The following FBXO21 variants were observed in gnomAD, a reference collection of about 807,000 sequenced individuals.
FBXO21 encodes the protein F-box only protein 21.
FBXO21 carries 32 observed loss-of-function variants against 76.6 expected under a neutral mutation model. That is an observed-to-expected ratio of 0.42 (90% CI 0.32 to 0.56). FBXO21 has a LOEUF of 0.56. FBXO21 is among the 20% of genes least tolerant of loss of function. The probability of loss-of-function intolerance (pLI) is 0.16; values close to 1 mark genes in which losing one functional copy is unlikely to be tolerated. For synonymous variants in FBXO21, 328 were observed against 311.5 expected, an observed-to-expected ratio of 1.05 and a Z score of -0.56; for missense variants, 586 against 797.3, an observed-to-expected ratio of 0.73 and a Z score of 3.19.
At chr12:117,158,124 C>T (rs748644514) in intron 9 of FBXO21, 61 bp from the exon 10 acceptor site, 40 of 1,597,136 alleles carry the variant, frequency 2.5e-5, no homozygotes, top group Middle Eastern at 3.5e-4. Context: ...TTCTTTTTTG[C>T]GGCGAGGGAT....
chr12:117,150,208 G>A (rs1340367370), intron 11 of FBXO21, among the ~76,000 whole-genome samples: 1 of 152,206 alleles, frequency 6.6e-6, no homozygotes, highest in Non-Finnish European at 1.5e-5. Flanking sequence ...AAACTTAATT[G>A]AGTAAAACAT....
chr12:117,157,926 A>G lies in FBXO21; in HGVS notation c.1464T>C (p.Asp488=). 6.2e-7 allele frequency: 1 copy of G among 1,613,928 alleles called. No homozygotes were observed. The highest frequency in any genetic ancestry group is 1.1e-5 in the South Asian group (1 of 91,048). The change falls in exon 10 of 12, where the codon GAT becomes GAC. Residue 488 remains aspartate (D), a synonymous_variant. Transcript: ENST00000622495. ...AGTAGCAGACATCTCTGTGCTTCTC[A>G]TCGGAGCGCAGCTTCACCTCTACGC... ...EVGVEVKLRS[D]EKHRDVCYSI...
rs191181293 is a variant in FBXO21, at chr12:117,176,946, T to C, written c.592+574A>G. ...ATAATTTATGGGAATGTTTGTGTAA[T>C]ATTGTAGGAATTCAAAATCATTTTA... On this transcript the variant is annotated intron_variant, in intron 4 of 11. Coordinates refer to ENST00000622495, the MANE Select transcript of FBXO21 (RefSeq NM_015002.3). Among the ~76,000 whole-genome samples, 7 of 141,228 alleles carry C rather than the reference T, an allele frequency of 5.0e-5. No homozygotes were observed. In the East Asian group the frequency reaches 1.0e-3, roughly 21 times the overall value. The allele number at this position is 141,228 out of a possible 152,430, so 92.7% of individuals were successfully genotyped here.
chr12:117,156,054 C>T (rs1431583429), intron 10 of FBXO21, 106 bp from the exon 11 acceptor site: 7 of 1,009,128 alleles, frequency 6.9e-6, no homozygotes, highest in Non-Finnish European at 1.1e-5. Context: ...TGCTTTACTC[C>T]ACGGTGAATC....
chr12:117,158,022 C>G lies in FBXO21; in HGVS notation c.1368G>C (p.Gly456=). ...CCAGGTAGCCCACCGCCCCGTGCTG[C>G]CCCGGGTCTAGGGTTTGGATGTGCT... ...ILQHIQTLDP[G]QHGAVGYLVQ... is the part of the protein sequence containing the mutation. The change falls in exon 10 of 12, where the codon GGG becomes GGC. Residue 456 remains glycine (G), a synonymous_variant. Transcript: ENST00000622495. 1 of 1,614,244 alleles carries G rather than the reference C, an allele frequency of 6.2e-7. No homozygotes were observed. Among genetic ancestry groups the G allele is most frequent in the East Asian group, 2.2e-5 (1 of 44,892 alleles).
chr12:117,174,724 G>A lies in FBXO21; in HGVS notation c.666C>T (p.Asp222=). 1 of 1,614,208 alleles carries A rather than the reference G, an allele frequency of 6.2e-7. No homozygotes were observed. Among genetic ancestry groups the A allele is most frequent in the Non-Finnish European group, 8.5e-7 (1 of 1,180,024 alleles). ...TTTTGCAAACAAGCTCCACGATGCT[G>A]TCAATTTGGGCCTGGATGTCTTTGA... ...ISLKDIQAQI[D]SIVELVCKTL... Residue 222 remains aspartate, a synonymous_variant, in exon 5 of 12, where the codon GAC becomes GAT. Transcript: ENST00000622495.
intron 9 of FBXO21, among the ~76,000 whole-genome samples, chr12:117,160,744 C>G (rs2135858082): frequency 6.6e-6 from 1 of 152,170 alleles, no homozygotes; most frequent in East Asian, 1.9e-4. Context: ...ATCCTCCCAC[C>G]TCAGCCTCGC....
In FBXO21 at chr12:117,189,209, A is replaced by AC. The variant is rs1566011360; in HGVS notation, c.375+17dup. The AC allele has an allele frequency of 6.2e-7, 1 of 1,614,192 alleles. No homozygotes were observed. Among genetic ancestry groups the AC allele is most frequent in the South Asian group, 1.1e-5 (1 of 91,086 alleles). On this transcript the variant is annotated intron_variant, in intron 2 of 11. Coordinates refer to ENST00000622495, the MANE Select transcript of FBXO21 (RefSeq NM_015002.3). The stretch of plus-strand genomic sequence containing the variant: ...CACCAGCAAGCCAAAGCTTAGAGCC[A>AC]CATCAACAGATCCTTACGTGCTCTG...
intron 3 of FBXO21, among the ~76,000 whole-genome samples, chr12:117,183,537 G>A (rs187279768): frequency 1.3e-4 from 20 of 152,356 alleles, no homozygotes; most frequent in African/African-American, 4.3e-4. Flanking sequence ...GGGATTACAG[G>A]CGTGAGCCAC....
In FBXO21 at chr12:117,144,320, G is replaced by C. The variant is rs1281033748; in HGVS notation, c.*1767C>G. On this transcript the variant is annotated 3_prime_UTR_variant, in exon 12 of 12. Transcript: ENST00000622495. Reference sequence around the variant, plus strand: ...CAATCCTCCCAACCTTGGCGGGCCAGGTGCTGTGAGTGGTTACGTTTCCAG... The same window carrying C: ...CAATCCTCCCAACCTTGGCGGGCCACGTGCTGTGAGTGGTTACGTTTCCAG... 1 of 152,204 alleles carries C rather than the reference G, an allele frequency of 6.6e-6. No individual in the cohort carries two copies. Among genetic ancestry groups the C allele is most frequent in the African/African-American group, 2.4e-5 (1 of 41,446 alleles). 9.4% of individuals were successfully genotyped at this position (152,204 alleles called of 1,614,324 possible).
chr12:117,146,694 G>A (rs1432977899), intron 11 of FBXO21, among the ~76,000 whole-genome samples: 4 of 152,082 alleles, frequency 2.6e-5, no homozygotes, highest in Non-Finnish European at 5.9e-5. Flanking sequence ...GACAAGTCTC[G>A]TACCTGCCAC....
intron 8 of FBXO21, 31 bp downstream of exon 8, chr12:117,166,867 C>A (rs1231206932): frequency 6.2e-7 from 1 of 1,601,520 alleles, no homozygotes; most frequent in African/African-American, 1.3e-5. Context: ...ATGTGCTCTG[C>A]AGAAGTACTA....
In FBXO21 at chr12:117,146,027, G is replaced by A. The variant is rs745369198; in HGVS notation, c.*60C>T. The A allele has an allele frequency of 3.0e-5, 42 of 1,407,124 alleles. No homozygotes were observed. The highest frequency in any genetic ancestry group is 4.8e-5 in the Admixed American group (2 of 41,544). 87.2% of individuals were successfully genotyped at this position (1,407,124 alleles called of 1,614,324 possible). A position where few individuals can be genotyped will look rare whatever the true frequency, so the allele number is the denominator to read the frequency against. ...GGGCTCCGTGGAGACGTCTTCTTCC[G>A]GAGTCCCGTTCTCTTGGAAGATAGC... On this transcript the variant is annotated 3_prime_UTR_variant, in exon 12 of 12. Coordinates refer to ENST00000622495, the MANE Select transcript of FBXO21 (RefSeq NM_015002.3).
At chr12:117,183,554 C>T (rs192111416) in intron 3 of FBXO21, among the ~76,000 whole-genome samples, 68 of 152,324 alleles carry the variant, frequency 4.5e-4, no homozygotes, top group African/African-American at 1.5e-3. Flanking sequence ...CCACTGCACC[C>T]GGCCTATTTA....
At chr12:117,174,056 G>A in intron 6 of FBXO21, 149 bp downstream of exon 6, 2 of 634,828 alleles carry the variant, frequency 3.2e-6, no homozygotes, top group Non-Finnish European at 5.5e-6. Context: ...AAGATCGCCT[G>A]AGCCCAGGAG....
Position 117,142,876 on chromosome 12 carries a change from T to C in FBXO21, c.*3211A>G, listed in dbSNP as rs2135835339. 1 of 152,208 alleles carries C rather than the reference T, an allele frequency of 6.6e-6. No homozygotes were observed. The highest frequency in any genetic ancestry group is 2.1e-4 in the South Asian group (1 of 4,828). The allele number at this position is 152,208 out of a possible 1,614,324, so 9.4% of individuals were successfully genotyped here. ...CGGCAGCTCTGCTCAGTTTTCTCCG[T>C]GGGGAAAGATCGGAACACTTACAAA... On this transcript the variant is annotated 3_prime_UTR_variant, in exon 12 of 12. Coordinates refer to ENST00000622495, the MANE Select transcript of FBXO21 (RefSeq NM_015002.3).
At chr12:117,181,715 T>G (rs945342792) in intron 3 of FBXO21, among the ~76,000 whole-genome samples, 8 of 152,164 alleles carry the variant, frequency 5.3e-5, no homozygotes, top group Admixed American at 4.6e-4. Context: ...AGCGGCATAA[T>G]GTCAGCTCAC....
intron 6 of FBXO21, among the ~76,000 whole-genome samples, chr12:117,173,044 T>C (rs925832390): frequency 2.0e-5 from 3 of 151,912 alleles, no homozygotes; most frequent in Non-Finnish European, 2.9e-5. Flanking sequence ...TAATTTTTTT[T>C]TTTTTTTTGA....
At chr12:117,189,183 A>T in intron 2 of FBXO21, 44 bp downstream of exon 2, 1 of 1,613,516 alleles carries the variant, frequency 6.2e-7, no homozygotes, top group Non-Finnish European at 8.5e-7. Context: ...CCAGACACAT[A>T]CACCAGCAAG....
Sources: gnomAD v4.1 joint callset for allele counts (sites outside exome capture counted in the v4.1 genomes callset) on GRCh38, gnomAD v4.1.1 for gene constraint, MANE v1.5 for transcripts, NCBI Gene and HGNC (gene_info 2026-07-23, HGNC 2026-07-21) for gene names.